NBEA: variants seen among roughly 807,000 people sequenced by gnomAD.
The protein encoded by NBEA is lysosomal-trafficking regulator 2.
NBEA carries 44 observed loss-of-function variants against 343.4 expected under a neutral mutation model. The observed-to-expected ratio is 0.13, with a 90% CI of 0.10 to 0.16. The LOEUF is 0.16. Among genes scored for constraint, NBEA ranks in the 10% least tolerant of loss-of-function variants. The pLI is 1.00. For synonymous variants in NBEA, 1,175 were observed against 1,238.7 expected (o/e 0.95, Z 1.08); for missense variants, 2,555 against 3,631.3 (o/e 0.70, Z 7.62).
At chr13:35,388,066 A>G (rs758735386) in intron 38 of NBEA, among the ~76,000 whole-genome samples, 1 of 152,114 alleles carries the variant, frequency 6.6e-6, no homozygotes, top group African/African-American at 2.4e-5. Flanking sequence ...CGAATCCACA[A>G]ATACACATCT....
At chr13:35,225,827 A>G (rs2074623056) in intron 33 of NBEA, among the ~76,000 whole-genome samples, 1 of 152,104 alleles carries the variant, frequency 6.6e-6, no homozygotes, top group Admixed American at 6.6e-5. Context: ...GTTACCTAGC[A>G]ACCTCAGCTC....
intron 18 of NBEA, among the ~76,000 whole-genome samples, chr13:35,155,053 C>T (rs1205926141): frequency 4.0e-5 from 6 of 148,510 alleles, no homozygotes; most frequent in Non-Finnish European, 8.9e-5. Flanking sequence ...TCACTTGAGT[C>T]CAGGAGTTGG....
chr13:35,487,655 G>T (rs1461963), intron 41 of NBEA, among the ~76,000 whole-genome samples: 149,328 of 151,996 alleles, frequency 0.98, 73,416 homozygotes, highest in East Asian at 1. Context: ...CAGTTCTAGT[G>T]GTTAGAACGC....
At chr13:35,104,436 C>A (rs2065815999) in intron 11 of NBEA, among the ~76,000 whole-genome samples, 1 of 151,874 alleles carries the variant, frequency 6.6e-6, no homozygotes, top group South Asian at 2.1e-4. Flanking sequence ...ATTGCTGTAT[C>A]TTCAGCACCT....
intron 36 of NBEA, among the ~76,000 whole-genome samples, chr13:35,345,110 C>A (rs1031176125): frequency 2.6e-5 from 4 of 151,956 alleles, no homozygotes; most frequent in Non-Finnish European, 1.5e-5. Context: ...TTAAAAATTT[C>A]TAAAAATGTC....
chr13:35,585,009 C>A (rs9565389), intron 46 of NBEA, among the ~76,000 whole-genome samples: 2 of 151,220 alleles, frequency 1.3e-5, no homozygotes, highest in Non-Finnish European at 2.9e-5. Context: ...CTCTCCCCCC[C>A]TCCCTCATTC....
chr13:35,667,147 A>C (rs188059542), intron 56 of NBEA, among the ~76,000 whole-genome samples: 2 of 152,346 alleles, frequency 1.3e-5, no homozygotes, highest in East Asian at 3.9e-4. Context: ...AAGACCAAGT[A>C]TCTACCTGGT....
intron 41 of NBEA, among the ~76,000 whole-genome samples, chr13:35,536,574 A>T (rs2078555195): frequency 6.6e-6 from 1 of 152,196 alleles, no homozygotes; most frequent in African/African-American, 2.4e-5. Context: ...TCTGATAATA[A>T]CACTTTATAT....
chr13:35,082,575 A>C lies in NBEA; in HGVS notation c.1571+11723A>C, dbSNP rs1033822587. 6.7e-4 allele frequency among the ~76,000 whole-genome samples: 102 copies of C among 152,222 alleles called. 1 individual carries two copies. Among genetic ancestry groups the C allele is most frequent in the Middle Eastern group, 6.8e-3 (2 of 292 alleles). The stretch of plus-strand genomic sequence containing the variant: ...CCTATTTCTCCACATCTTCTGCAGC[A>C]CCTGTTGTTTCTTGACTTTTTAATG... On this transcript the variant is annotated intron_variant, in intron 10 of 58. Transcript: ENST00000379939.
chr13:35,135,563 TA>T (rs1263796818), intron 17 of NBEA, among the ~76,000 whole-genome samples: 2 of 151,964 alleles, frequency 1.3e-5, no homozygotes, highest in Non-Finnish European at 2.9e-5. Context: ...GTCATTCTGG[TA>T]AAAAATATAA....
intron 1 of NBEA, among the ~76,000 whole-genome samples, chr13:35,000,804 C>T (rs2061107455): frequency 6.6e-6 from 1 of 151,314 alleles, no homozygotes; most frequent in Non-Finnish European, 1.5e-5. Context: ...TTTTAAAAAC[C>T]TAAAGAAGTT....
Position 35,169,002 on chromosome 13 carries a change from AT to A in NBEA, c.4242+9del. The A allele has an allele frequency of 6.7e-7, 1 of 1,495,450 alleles. No individual in the cohort carries two copies. Among genetic ancestry groups the A allele is most frequent in the South Asian group, 1.4e-5 (1 of 71,962 alleles). 92.6% of individuals were successfully genotyped at this position (1,495,450 alleles called of 1,614,324 possible). A position where few individuals can be genotyped will look rare whatever the true frequency, so the allele number is the denominator to read the frequency against. On this transcript the variant is annotated splice_region_variant and intron_variant, in intron 25 of 58. Transcript: ENST00000379939. Reference sequence around the variant, plus strand: ...GCATGTCCAGGGTTCTAAGGTTAGTATTACTTTTGTAGTAATTTTCAGCTTT... The same window carrying A: ...GCATGTCCAGGGTTCTAAGGTTAGTATACTTTTGTAGTAATTTTCAGCTTT...
At chr13:35,194,777 A>G (rs2072462605) in intron 30 of NBEA, among the ~76,000 whole-genome samples, 1 of 152,080 alleles carries the variant, frequency 6.6e-6, no homozygotes, top group Non-Finnish European at 1.5e-5. Context: ...TGTATGATGA[A>G]ATTTGATAGA....
In NBEA at chr13:35,050,314, C is replaced by G; in HGVS notation, c.891C>G (p.Gly297=). The G allele has an allele frequency of 6.2e-7, 1 of 1,608,974 alleles. No homozygotes were observed. Among genetic ancestry groups the G allele is most frequent in the Non-Finnish European group, 8.5e-7 (1 of 1,177,976 alleles). The change falls in exon 6 of 59, where the codon GGC becomes GGG. Residue 297 remains glycine, a synonymous_variant. Transcript: ENST00000379939. ...KGVGYSAHFV[G]NCLIVTSLKS... ...TTGGTTACTCTGCTCATTTTGTTGG[C>G]AACTGTTTAATAGTCACATCATTGA...
chr13:35,140,468 A>G (rs1440777992), intron 17 of NBEA, among the ~76,000 whole-genome samples: 3 of 152,112 alleles, frequency 2.0e-5, no homozygotes, highest in Non-Finnish European at 4.4e-5. Context: ...AAGAGATTTA[A>G]ACCTTCCCTT....
chr13:35,499,076 T>C (rs2076789126), intron 41 of NBEA, among the ~76,000 whole-genome samples: 1 of 152,112 alleles, frequency 6.6e-6, no homozygotes, highest in African/African-American at 2.4e-5. Flanking sequence ...TAGCAAGCTG[T>C]TTTGGGTTTT....
intron 41 of NBEA, among the ~76,000 whole-genome samples, chr13:35,490,003 G>A (rs1414204143): frequency 6.6e-6 from 1 of 151,916 alleles, no homozygotes; most frequent in Non-Finnish European, 1.5e-5. Context: ...CAAGTAGTCA[G>A]TGATTCAGTG....
At chr13:35,432,024 G>C (rs2045147856) in intron 38 of NBEA, among the ~76,000 whole-genome samples, 1 of 151,860 alleles carries the variant, frequency 6.6e-6, no homozygotes, top group Non-Finnish European at 1.5e-5. Context: ...AAAATAAAAA[G>C]CAGAGCTGAG....
intron 33 of NBEA, among the ~76,000 whole-genome samples, chr13:35,227,158 A>G (rs1464699899): frequency 6.6e-6 from 1 of 151,894 alleles, no homozygotes; most frequent in African/African-American, 2.4e-5. Context: ...TTTCAATATC[A>G]TGTTTTCCGT....
Sources: gnomAD v4.1 joint callset for allele counts (sites outside exome capture counted in the v4.1 genomes callset) on GRCh38, gnomAD v4.1.1 for gene constraint, MANE v1.5 for transcripts, NCBI Gene and HGNC (gene_info 2026-07-23, HGNC 2026-07-21) for gene names.